The following AKAP13 variants were observed in gnomAD, a reference collection of about 807,000 sequenced individuals.
AKAP13 encodes the protein A-kinase anchoring protein 13.
In AKAP13, 80 loss-of-function variants were observed where a neutral mutation model predicts 264.5. That is an observed-to-expected ratio of 0.30 (90% CI 0.25 to 0.36). The LOEUF is 0.36. Ranked by LOEUF, AKAP13 falls within the 10% of genes least tolerant of loss-of-function variation. The pLI, the probability that AKAP13 is intolerant of heterozygous loss-of-function variation, is 1.00. For synonymous variants in AKAP13, 1,380 were observed against 1,250.2 expected (o/e 1.10, Z -2.19); for missense variants, 3,712 against 3,435.2 (o/e 1.08, Z -2.01).
At chr15:85,381,358 GGT>G (rs1233438327) in intron 1 of AKAP13, among the ~76,000 whole-genome samples, 1 of 152,028 alleles carries the variant, frequency 6.6e-6, no homozygotes, top group African/African-American at 2.4e-5. Context: ...GCTTCTCGGG[GGT>G]GCGGCCCAGC....
In AKAP13 at chr15:85,581,400, A is replaced by G. The variant is rs764645399; in HGVS notation, c.3332A>G (p.Asn1111Ser). 6.2e-7 allele frequency: 1 copy of G among 1,614,200 alleles called. No homozygotes were observed. The highest frequency in any genetic ancestry group is 2.2e-5 in the East Asian group (1 of 44,886). ...AEPRRENISH[N>S]TQDILIPNVL... ...CCCAGAAGAGAGAATATATCACACAACACCCAAGACATCCTGATTCCAAAC... is the reference window on the plus strand; with the variant it reads ...CCCAGAAGAGAGAATATATCACACAGCACCCAAGACATCCTGATTCCAAAC... Residue 1111 changes from asparagine (N) to serine (S), a missense_variant, in exon 7 of 37, where the codon AAC becomes AGC. Asn to Ser is a conservative substitution (Grantham distance 46). Around this residue, in one of 3 missense-constraint regions of AKAP13, gnomAD observed 2,759 missense variants for 2,411.7 expected, o/e 1.14. Transcript: ENST00000394518.
At chr15:85,619,771 C>G in intron 8 of AKAP13, 1 of 1,063,428 alleles carries the variant, frequency 9.4e-7, no homozygotes, top group Non-Finnish European at 1.1e-6. Context: ...ACGGTGTTTG[C>G]TTCTCTTTCA....
intron 18 of AKAP13, among the ~76,000 whole-genome samples, chr15:85,709,249 T>TA (rs1367071667): frequency 2.0e-5 from 3 of 152,204 alleles, no homozygotes; most frequent in Non-Finnish European, 4.4e-5. Context: ...CCATAGTACT[T>TA]ATCACCTTCT....
intron 8 of AKAP13, among the ~76,000 whole-genome samples, chr15:85,630,200 CACACACACATCAT>C (rs747094840): frequency 0.087 from 5,904 of 67,628 alleles, 350 homozygotes; most frequent in East Asian, 0.37. Context: ...CACACACACA[CACACACACATCAT>C]GAACTAAGAT....
intron 10 of AKAP13, among the ~76,000 whole-genome samples, chr15:85,649,153 A>G (rs571609093): frequency 6.6e-6 from 1 of 152,334 alleles, no homozygotes; most frequent in African/African-American, 2.4e-5. Context: ...TTTGATCTCA[A>G]TTTGTCTGCC....
intron 1 of AKAP13, among the ~76,000 whole-genome samples, chr15:85,409,692 G>A (rs896703244): frequency 1.4e-5 from 2 of 147,140 alleles, no homozygotes; most frequent in African/African-American, 2.6e-5. Context: ...GTGCAGCGGT[G>A]CGATCTCGGC....
chr15:85,613,587 A>G (rs931811099), intron 8 of AKAP13, among the ~76,000 whole-genome samples: 5 of 151,084 alleles, frequency 3.3e-5, no homozygotes, highest in Non-Finnish European at 7.4e-5. Flanking sequence ...AGGCTGAGGC[A>G]GGAGAATGGC....
intron 14 of AKAP13, among the ~76,000 whole-genome samples, chr15:85,672,020 A>G (rs994437371): frequency 3.3e-5 from 5 of 152,178 alleles, no homozygotes; most frequent in Admixed American, 3.3e-4. Context: ...AACACTATAA[A>G]TAATACAGCT....
chr15:85,698,016 C>A (rs866240057), intron 17 of AKAP13, among the ~76,000 whole-genome samples: 4 of 152,176 alleles, frequency 2.6e-5, no homozygotes, highest in African/African-American at 9.6e-5. Flanking sequence ...GAGTCAGGCA[C>A]CCACAGTGGC....
intron 7 of AKAP13, chr15:85,582,903 A>G (rs1032988684): frequency 1.0e-5 from 10 of 985,376 alleles, no homozygotes; most frequent in Admixed American, 6.1e-5. Flanking sequence ...TGCACTGAGC[A>G]GATTGCTCAC....
At chr15:85,726,265 T>C (rs1236269400) in intron 26 of AKAP13, 145 bp from the exon 27 acceptor site, 3 of 570,192 alleles carry the variant, frequency 5.3e-6, no homozygotes, top group Non-Finnish European at 6.3e-6. Flanking sequence ...ACTGTTGCTT[T>C]GGAGGAGTGT....
At chr15:85,629,674 G>A (rs1443079360) in intron 8 of AKAP13, among the ~76,000 whole-genome samples, 1 of 149,410 alleles carries the variant, frequency 6.7e-6, no homozygotes, top group Non-Finnish European at 1.5e-5. Context: ...ATGGCAACAT[G>A]CCTTCTCAGG....
intron 17 of AKAP13, among the ~76,000 whole-genome samples, chr15:85,700,549 G>T (rs1207046576): frequency 6.6e-6 from 1 of 152,212 alleles, no homozygotes; most frequent in Non-Finnish European, 1.5e-5. Flanking sequence ...GGAAAGGTTT[G>T]AGGGTCTGAG....
intron 1 of AKAP13, among the ~76,000 whole-genome samples, chr15:85,474,384 T>C (rs1054812507): frequency 1.3e-5 from 2 of 149,034 alleles, no homozygotes; most frequent in Non-Finnish European, 2.9e-5. Context: ...TCAGTGTTGA[T>C]AATTAATTTT....
chr15:85,487,143 C>CT (rs1198773452), intron 2 of AKAP13, among the ~76,000 whole-genome samples: 1 of 152,226 alleles, frequency 6.6e-6, no homozygotes, highest in African/African-American at 2.4e-5. Flanking sequence ...AAACTATAAT[C>CT]TAACTTGTTT....
intron 5 of AKAP13, among the ~76,000 whole-genome samples, chr15:85,573,747 A>G (rs762417839): frequency 5.3e-5 from 8 of 152,106 alleles, no homozygotes; most frequent in Non-Finnish European, 8.8e-5. Flanking sequence ...TTATGTTTAA[A>G]GCTTTCAGAG....
intron 2 of AKAP13, among the ~76,000 whole-genome samples, chr15:85,519,992 A>T (rs1393036503): frequency 6.6e-6 from 1 of 152,142 alleles, no homozygotes; most frequent in Non-Finnish European, 1.5e-5. Flanking sequence ...CCTTCTCTAG[A>T]TTGATTTTTC....
In AKAP13 at chr15:85,724,045, G is replaced by A. The variant is rs1356456708; in HGVS notation, c.6745+725G>A. Among the ~76,000 whole-genome samples the A allele has an allele frequency of 1.3e-5, 2 of 152,098 alleles. No homozygotes were observed. The highest frequency in any genetic ancestry group is 3.8e-4 in the East Asian group (2 of 5,196). On this transcript the variant is annotated intron_variant, in intron 26 of 36. Coordinates refer to ENST00000394518, the MANE Select transcript of AKAP13 (RefSeq NM_007200.5). This position sits in a 1 kb window ranked among gnomAD's most constrained non-coding sequence, Gnocchi z 4.2. ...CATGGGCCTATATGTTACACCAATA[G>A]CCTTGAATTATACCCACCCCGTCGC...
At chr15:85,464,544 C>G (rs1339989296) in intron 1 of AKAP13, among the ~76,000 whole-genome samples, 1 of 152,124 alleles carries the variant, frequency 6.6e-6, no homozygotes, top group African/African-American at 2.4e-5. Flanking sequence ...ATTTCTAACT[C>G]TCTAGTTTTT....
Sources: allele counts gnomAD v4.1 joint callset (sites outside exome capture counted in the v4.1 genomes callset), GRCh38; gene constraint gnomAD v4.1.1; regional missense constraint gnomAD v4.1.1; non-coding constraint Gnocchi (gnomAD v3.1); transcripts MANE v1.5; gene names NCBI Gene and HGNC (gene_info 2026-07-23, HGNC 2026-07-21).